Variants in MMS22L observed in about 807,000 individuals in gnomAD.
The protein encoded by MMS22L is MMS22 like, DNA repair protein.
In MMS22L, 74 loss-of-function variants were observed where a neutral mutation model predicts 159.1. That is an observed-to-expected ratio of 0.47 (90% CI 0.39 to 0.56). The LOEUF (loss-of-function observed/expected upper bound fraction) is 0.56, where lower values mean the gene tolerates loss of function less well. Among genes scored for constraint, MMS22L ranks in the 20% least tolerant of loss-of-function variants. The probability of loss-of-function intolerance (pLI) is 0.00; values close to 1 mark genes in which losing one functional copy is unlikely to be tolerated. For missense variants in MMS22L, 1,351 were observed against 1,422.1 expected (o/e 0.95, Z 0.80); for synonymous variants, 517 against 506.9 (o/e 1.02, Z -0.27).
In MMS22L at chr6:97,178,561, AC is replaced by A. The variant is rs1804355617; in HGVS notation, c.2560del (p.Val854SerfsTer3). 3 of 1,547,310 alleles carry A rather than the reference AC, an allele frequency of 1.9e-6. No individual in the cohort carries two copies. The highest frequency in any genetic ancestry group is 1.8e-6 in the Non-Finnish European group (2 of 1,132,202). On this transcript the variant is annotated frameshift_variant, in exon 18 of 25. Transcript: ENST00000683635. LOFTEE classifies it high-confidence loss of function. ...AVEKEYMKQL[V>X]KLTRLLFNLS... ...ATTAAATAGTAATCTTGTCAGTTTG[AC>A]CAACTGTTTCATGTACTCTTTTTCT...
At chr6:97,238,413 G>A (rs992974871) in intron 11 of MMS22L, among the ~76,000 whole-genome samples, 2 of 152,166 alleles carry the variant, frequency 1.3e-5, no homozygotes, top group Admixed American at 1.3e-4. Flanking sequence ...TTTGATTAAA[G>A]ACATGTAATT....
rs2128093343 is a variant in MMS22L, at chr6:97,272,574, G to A, written c.606+130C>T. 6 of 751,750 alleles carry A rather than the reference G, an allele frequency of 8.0e-6. No individual in the cohort carries two copies. In the East Asian group the frequency reaches 1.6e-4, roughly 20 times the overall value. The allele number at this position is 751,750 out of a possible 1,614,324, so 46.6% of individuals were successfully genotyped here. A position where few individuals can be genotyped will look rare whatever the true frequency, so the allele number is the denominator to read the frequency against. The stretch of plus-strand genomic sequence containing the variant: ...CACAATTAATAAAAGGAGGATGGGG[G>A]GCAAGAATTTCAACTCAGGCAGTCA... On this transcript the variant is annotated intron_variant, in intron 6 of 24. Coordinates refer to ENST00000683635, the MANE Select transcript of MMS22L (RefSeq NM_001350599.2).
At chr6:97,164,116 A>T (rs192050608) in intron 21 of MMS22L, among the ~76,000 whole-genome samples, 4 of 152,108 alleles carry the variant, frequency 2.6e-5, no homozygotes, top group Admixed American at 1.3e-4. Context: ...AGATTCTGAC[A>T]ATAGTCTAGG....
intron 19 of MMS22L, 109 bp downstream of exon 19, chr6:97,172,954 T>G (rs1803700155): frequency 2.0e-6 from 2 of 1,020,644 alleles, no homozygotes; most frequent in Non-Finnish European, 1.4e-6. Context: ...AGATTACTCT[T>G]ATGATTGTAT....
intron 21 of MMS22L, among the ~76,000 whole-genome samples, chr6:97,163,878 T>C (rs1802696536): frequency 6.6e-6 from 1 of 151,996 alleles, no homozygotes; most frequent in Admixed American, 6.6e-5. Context: ...AGGGGCAATA[T>C]GAATCTTATT....
intron 22 of MMS22L, among the ~76,000 whole-genome samples, chr6:97,153,285 T>C (rs987745481): frequency 2.6e-5 from 4 of 152,002 alleles, no homozygotes; most frequent in Non-Finnish European, 5.9e-5. Context: ...TTTCAATATC[T>C]TGAAAAGAAA....
At chr6:97,243,407 T>C (rs1812290352) in intron 11 of MMS22L, among the ~76,000 whole-genome samples, 1 of 152,178 alleles carries the variant, frequency 6.6e-6, no homozygotes, top group Non-Finnish European at 1.5e-5. Flanking sequence ...TTTCTCTAAA[T>C]GTGTCTTTCA....
At chr6:97,170,438 T>A (rs35402825) in intron 19 of MMS22L, among the ~76,000 whole-genome samples, 2 of 149,044 alleles carry the variant, frequency 1.3e-5, no homozygotes, top group African/African-American at 2.5e-5. Flanking sequence ...TTTAAATACA[T>A]ACAGTACCTT....
In MMS22L at chr6:97,176,755, G is replaced by A. The variant is rs73758124; in HGVS notation, c.2679+1688C>T. ...TTGCTGAAAGAATTAAGCATATCCT[G>A]TGTAATTTCACTGGGAAAAGAATCT... is the stretch of plus-strand genomic sequence containing the variant. On this transcript the variant is annotated intron_variant, in intron 18 of 24. Coordinates refer to ENST00000683635, the MANE Select transcript of MMS22L (RefSeq NM_001350599.2). 2.0e-3 allele frequency among the ~76,000 whole-genome samples: 299 copies of A among 152,244 alleles called. 3 individuals carry two copies. The highest frequency in any genetic ancestry group is 7.0e-3 in the African/African-American group (289 of 41,560).
chr6:97,244,764 T>C (rs980270808), intron 11 of MMS22L, among the ~76,000 whole-genome samples: 7 of 152,132 alleles, frequency 4.6e-5, no homozygotes, highest in Non-Finnish European at 8.8e-5. Context: ...AACTCCCATA[T>C]ATATTAGTTC....
chr6:97,184,345 G>A (rs926824640), intron 15 of MMS22L, among the ~76,000 whole-genome samples: 1 of 151,978 alleles, frequency 6.6e-6, no homozygotes, highest in Non-Finnish European at 1.5e-5. Context: ...CTTGCTCTAT[G>A]GGTGATCTCA....
intron 4 of MMS22L, among the ~76,000 whole-genome samples, chr6:97,275,663 AAC>A (rs1352478830): frequency 6.6e-6 from 1 of 152,216 alleles, no homozygotes; most frequent in Non-Finnish European, 1.5e-5. Context: ...AGAGAAAAAA[AAC>A]ACACACACAA....
intron 3 of MMS22L, 47 bp downstream of exon 3, chr6:97,281,190 A>G (rs200098627): frequency 6.5e-7 from 1 of 1,550,324 alleles, no homozygotes; most frequent in Non-Finnish European, 8.7e-7. Flanking sequence ...GTAATTTACA[A>G]AAGTGAACAA....
chr6:97,188,594 T>C (rs749639435), intron 14 of MMS22L, among the ~76,000 whole-genome samples: 2 of 152,204 alleles, frequency 1.3e-5, no homozygotes, highest in Non-Finnish European at 2.9e-5. Context: ...AGCCCACTTT[T>C]CTTTTTACAC....
intron 10 of MMS22L, among the ~76,000 whole-genome samples, chr6:97,248,632 G>A (rs1483934888): frequency 6.6e-6 from 1 of 152,152 alleles, no homozygotes; most frequent in Non-Finnish European, 1.5e-5. Context: ...GGCCGAAGCA[G>A]GCAGATCACT....
intron 7 of MMS22L, among the ~76,000 whole-genome samples, chr6:97,269,338 C>A (rs1449707609): frequency 1.3e-5 from 2 of 151,992 alleles, no homozygotes; most frequent in African/African-American, 2.4e-5. Context: ...TACTATTCAG[C>A]AAAACAGCAG....
At chr6:97,234,134 T>G (rs911884215) in intron 11 of MMS22L, among the ~76,000 whole-genome samples, 154 bp from the exon 12 acceptor site, 6 of 152,118 alleles carry the variant, frequency 3.9e-5, no homozygotes, top group Admixed American at 3.9e-4. Context: ...TAGGTCTAAA[T>G]CAACACAACA....
intron 11 of MMS22L, among the ~76,000 whole-genome samples, chr6:97,242,666 A>ATTGT (rs1225381765): frequency 6.6e-6 from 1 of 151,946 alleles, no homozygotes; most frequent in Non-Finnish European, 1.5e-5. Context: ...TCATTGTGTT[A>ATTGT]TTGTTTGATA....
At position 97,174,263 on chromosome 6, in the gene MMS22L, A is replaced by AT. The variant is rs1405824695; in HGVS notation, c.2680-1042_2680-1041insA. Among the ~76,000 whole-genome samples, 364 of 150,798 alleles carry AT rather than the reference A, an allele frequency of 2.4e-3. 3 individuals carry two copies. The highest frequency in any genetic ancestry group is 8.4e-3 in the African/African-American group (342 of 40,728). The stretch of plus-strand genomic sequence containing the variant: ...CAAGACTGTCTCAAAAAAAAAATAA[A>AT]AAAAAAAAAAAAATAAAAAGAAAGT... On this transcript the variant is annotated intron_variant, in intron 18 of 24. Coordinates refer to ENST00000683635, the MANE Select transcript of MMS22L (RefSeq NM_001350599.2).
Sources: allele counts gnomAD v4.1 joint callset (sites outside exome capture counted in the v4.1 genomes callset), GRCh38; gene constraint gnomAD v4.1.1; transcripts MANE v1.5; gene names NCBI Gene and HGNC (gene_info 2026-07-23, HGNC 2026-07-21).